Variants in GBF1 observed in about 807,000 individuals in gnomAD.
GBF1 encodes Golgi-specific brefeldin A-resistance guanine nucleotide exchange factor 1.
Under a neutral mutation model 210.5 loss-of-function variants are expected in GBF1, and 114 were observed. That is an observed-to-expected ratio of 0.54 (90% CI 0.47 to 0.63). The LOEUF is 0.63. GBF1 is among the 30% of genes least tolerant of loss of function. GBF1 has a pLI of 0.00. For synonymous variants in GBF1, 850 were observed against 889.2 expected, an observed-to-expected ratio of 0.96 and a Z score of 0.78; for missense variants, 1,851 against 2,357.7, an observed-to-expected ratio of 0.79 and a Z score of 4.45.
At chr10:102,341,925 G>A (rs1037115475) in intron 3 of GBF1, among the ~76,000 whole-genome samples, 13 of 151,730 alleles carry the variant, frequency 8.6e-5, no homozygotes, top group Non-Finnish European at 1.2e-4. Flanking sequence ...TTTTCCTCTA[G>A]ACTTTTATAT....
intron 1 of GBF1, among the ~76,000 whole-genome samples, chr10:102,247,963 T>G (rs2071044671): frequency 6.6e-6 from 1 of 152,178 alleles, no homozygotes; most frequent in South Asian, 2.1e-4. Flanking sequence ...GACTGCCACT[T>G]TCACATAATA....
At chr10:102,290,771 T>C (rs1470828813) in intron 3 of GBF1, among the ~76,000 whole-genome samples, 2 of 152,176 alleles carry the variant, frequency 1.3e-5, no homozygotes, top group Non-Finnish European at 2.9e-5. Flanking sequence ...TCCCAAAGTG[T>C]TGGGATTACA....
At chr10:102,347,535 C>A (rs2058658749) in intron 4 of GBF1, among the ~76,000 whole-genome samples, 1 of 152,170 alleles carries the variant, frequency 6.6e-6, no homozygotes, top group Non-Finnish European at 1.5e-5. Flanking sequence ...TTGGAGACCT[C>A]AGGCCACCTG....
At chr10:102,271,856 A>G (rs2074460372) in intron 3 of GBF1, among the ~76,000 whole-genome samples, 2 of 151,536 alleles carry the variant, frequency 1.3e-5, no homozygotes, top group African/African-American at 2.4e-5. Context: ...GGCTCAAGTG[A>G]TCCTCCCACC....
chr10:102,301,812 C>T (rs2077393545), intron 3 of GBF1, among the ~76,000 whole-genome samples: 1 of 151,992 alleles, frequency 6.6e-6, no homozygotes, highest in South Asian at 2.1e-4. Context: ...CTCCTCACAT[C>T]CCAGACGATG....
intron 3 of GBF1, among the ~76,000 whole-genome samples, chr10:102,270,158 G>A (rs984582006): frequency 3.3e-5 from 5 of 151,868 alleles, no homozygotes; most frequent in Admixed American, 2.6e-4. Flanking sequence ...GATTACAGGC[G>A]TGAACCACTG....
chr10:102,246,352 C>T (rs1459526733), intron 1 of GBF1, among the ~76,000 whole-genome samples: 1 of 152,202 alleles, frequency 6.6e-6, no homozygotes, highest in Non-Finnish European at 1.5e-5. Flanking sequence ...AGGCTTCCCT[C>T]TTACAGGACA....
At chr10:102,290,947 G>T (rs1446853264) in intron 3 of GBF1, among the ~76,000 whole-genome samples, 2 of 151,966 alleles carry the variant, frequency 1.3e-5, no homozygotes, top group African/African-American at 4.8e-5. Flanking sequence ...TTTATAATTT[G>T]TTTCACATTT....
chr10:102,371,009 G>C (rs577362917), intron 29 of GBF1, 149 bp downstream of exon 29: 1 of 761,208 alleles, frequency 1.3e-6, no homozygotes, highest in Non-Finnish European at 2.1e-6. Context: ...GCAGTCTAGC[G>C]GGTGGTACTG....
intron 3 of GBF1, among the ~76,000 whole-genome samples, chr10:102,260,761 G>A (rs567581831): frequency 6.6e-6 from 1 of 152,116 alleles, no homozygotes; most frequent in East Asian, 1.9e-4. Flanking sequence ...ACAGGAATGA[G>A]CCACTGCGCC....
In GBF1 at chr10:102,363,403, A is replaced by C; in HGVS notation, c.2017+7A>C. ...GAAGCTGTTGACTCTGGGGGTGGGT[A>C]CTGGGTGTCCATGACCCTAAGCTCC... On this transcript the variant is annotated splice_region_variant and intron_variant, in intron 16 of 39. Coordinates refer to ENST00000369983, the MANE Select transcript of GBF1 (RefSeq NM_001377137.1). This position sits in a 1 kb window ranked among gnomAD's most constrained non-coding sequence, Gnocchi z 4.2. 4 of 1,611,826 alleles carry C rather than the reference A, an allele frequency of 2.5e-6. 1 individual carries two copies. In the Middle Eastern group the frequency reaches 6.6e-4, roughly 267 times the overall value.
chr10:102,330,376 ATTATGT>A (rs1233572816), intron 3 of GBF1, among the ~76,000 whole-genome samples: 3 of 151,982 alleles, frequency 2.0e-5, no homozygotes, highest in Non-Finnish European at 4.4e-5. Context: ...ATATATGGTA[ATTATGT>A]TTAATAATAT....
At chr10:102,335,546 A>C (rs1213166620) in intron 3 of GBF1, among the ~76,000 whole-genome samples, 1 of 152,200 alleles carries the variant, frequency 6.6e-6, no homozygotes, top group African/African-American at 2.4e-5. Flanking sequence ...AGGACACCAG[A>C]AACCTTTCTG....
chr10:102,351,519 A>G, intron 5 of GBF1, 145 bp downstream of exon 5: 1 of 628,078 alleles, frequency 1.6e-6, no homozygotes, highest in Non-Finnish European at 2.8e-6. Context: ...CAGCTGGGGT[A>G]CCCAAAGTAA....
At chr10:102,331,890 G>A (rs1157668536) in intron 3 of GBF1, among the ~76,000 whole-genome samples, 3 of 126,700 alleles carry the variant, frequency 2.4e-5, no homozygotes, top group Admixed American at 2.0e-4. Flanking sequence ...GACAGCGTCT[G>A]GCTCTGTCGC....
At chr10:102,254,868 A>G (rs932690284) in intron 1 of GBF1, among the ~76,000 whole-genome samples, 1 of 152,112 alleles carries the variant, frequency 6.6e-6, no homozygotes, top group Non-Finnish European at 1.5e-5. Context: ...ACCTTGTGAC[A>G]AGGGATTTCT....
intron 3 of GBF1, among the ~76,000 whole-genome samples, chr10:102,301,263 A>G (rs1217082499): frequency 6.6e-6 from 1 of 152,200 alleles, no homozygotes; most frequent in East Asian, 1.9e-4. Context: ...CCCTGAGTGG[A>G]CACAGCACAT....
At chr10:102,377,539 G>A (rs576752815) in intron 33 of GBF1, among the ~76,000 whole-genome samples, 1 of 152,088 alleles carries the variant, frequency 6.6e-6, no homozygotes, top group South Asian at 2.1e-4. Context: ...ATTTTTAGTA[G>A]AAACGGGGTT....
intron 23 of GBF1, 30 bp from the exon 24 acceptor site, chr10:102,369,181 C>T (rs751734129): frequency 5.2e-6 from 8 of 1,543,520 alleles, no homozygotes; most frequent in Non-Finnish European, 7.2e-6. Flanking sequence ...ATTAGCTCGG[C>T]CTTAAGTCTG....
Sources: allele counts gnomAD v4.1 joint callset (sites outside exome capture counted in the v4.1 genomes callset), GRCh38; gene constraint gnomAD v4.1.1; non-coding constraint Gnocchi (gnomAD v3.1); transcripts MANE v1.5; gene names NCBI Gene and HGNC (gene_info 2026-07-23, HGNC 2026-07-21).